CDKN2B-AS1: variants seen among roughly 807,000 people sequenced by gnomAD.
CDKN2B-AS1 encodes CDKN2B antisense RNA 1 (non-protein coding).
chr9:22,100,629 T>C (rs993084352), intron 4 of CDKN2B-AS1, among the ~76,000 whole-genome samples: 1 of 152,250 alleles, frequency 6.6e-6, no homozygotes, highest in African/African-American at 2.4e-5. Context: ...TAAACGTTTA[T>C]GTTTAAGTCT....
At chr9:22,014,562 A>G (rs1336022772) in intron 1 of CDKN2B-AS1, among the ~76,000 whole-genome samples, 1 of 152,124 alleles carries the variant, frequency 6.6e-6, no homozygotes, top group Non-Finnish European at 1.5e-5. Context: ...TTTGAAATGT[A>G]TTTATAAATT....
At chr9:22,004,044 A>G (rs932552665) in intron 1 of CDKN2B-AS1, 13 of 232,622 alleles carry the variant, frequency 5.6e-5, no homozygotes, top group Middle Eastern at 1.2e-3. Context: ...AAGTTACTTG[A>G]TATTTCTTTG....
chr9:22,094,175 A>G (rs201945090), intron 4 of CDKN2B-AS1, among the ~76,000 whole-genome samples: 4 of 143,956 alleles, frequency 2.8e-5, no homozygotes, highest in Admixed American at 6.7e-5. Context: ...TAGAGTTTCT[A>G]CCGAGAGATC....
intron 1 of CDKN2B-AS1, among the ~76,000 whole-genome samples, chr9:22,031,679 C>T (rs1390796502): frequency 6.6e-5 from 10 of 152,162 alleles, no homozygotes; most frequent in Non-Finnish European, 1.2e-4. Flanking sequence ...CACCAAGTTG[C>T]GGTAGGTTAG....
chr9:22,056,149 T>G (rs2131290262), intron 3 of CDKN2B-AS1: 1 of 149,144 alleles, frequency 6.7e-6, no homozygotes, highest in South Asian at 2.1e-4. Flanking sequence ...TGCCTCAGCC[T>G]CCTGAGTAGC....
chr9:22,043,421 C>G (rs1474350743), intron 1 of CDKN2B-AS1, among the ~76,000 whole-genome samples: 1 of 151,936 alleles, frequency 6.6e-6, no homozygotes, highest in Non-Finnish European at 1.5e-5. Flanking sequence ...TTCACACACA[C>G]ACAGACACAC....
At chr9:22,110,428 G>C (rs1368594148) in intron 4 of CDKN2B-AS1, among the ~76,000 whole-genome samples, 1 of 152,094 alleles carries the variant, frequency 6.6e-6, no homozygotes, top group East Asian at 1.9e-4. Flanking sequence ...AGAAGTCTTG[G>C]AATACAACAG....
At chr9:22,008,020 G>C in intron 1 of CDKN2B-AS1, among the ~76,000 whole-genome samples, 1 of 152,096 alleles carries the variant, frequency 6.6e-6, no homozygotes, top group East Asian at 1.9e-4. Flanking sequence ...GTACAAAAGA[G>C]TTGTCCGAGA....
intron 4 of CDKN2B-AS1, among the ~76,000 whole-genome samples, chr9:22,056,543 G>A (rs1823585101): frequency 6.6e-6 from 1 of 152,164 alleles, no homozygotes; most frequent in African/African-American, 2.4e-5. Flanking sequence ...GGACACAGGT[G>A]ACTGTTTTCT....
At chr9:22,022,520 C>G (rs1273185324) in intron 1 of CDKN2B-AS1, among the ~76,000 whole-genome samples, 1 of 151,960 alleles carries the variant, frequency 6.6e-6, no homozygotes, top group Non-Finnish European at 1.5e-5. Flanking sequence ...TTTCTCCATC[C>G]TTTTATTTTG....
At chr9:22,051,720 G>T (rs550113618) in intron 3 of CDKN2B-AS1, among the ~76,000 whole-genome samples, 3 of 152,162 alleles carry the variant, frequency 2.0e-5, no homozygotes, top group Non-Finnish European at 4.4e-5. Flanking sequence ...TAAAAAGTTG[G>T]AGATTTTTGT....
chr9:22,029,642 A>G lies in CDKN2B-AS1; in HGVS notation n.30-17109A>G, dbSNP rs568630687. ...TCATCTTTCAGGTCTGTGTGATAAA[A>G]GAAGAGCCTTGGGGAAATGTTCTCT... On this transcript the variant is annotated intron_variant and non_coding_transcript_variant, in intron 1 of 4. Coordinates refer to ENST00000650946, the Ensembl canonical transcript of CDKN2B-AS1. The G allele has an allele frequency of 5.4e-6, 3 of 556,056 alleles. No individual in the cohort carries two copies. The Admixed American group carries it at 8.2e-5, about 15-fold the overall frequency. The allele number at this position is 556,056 out of a possible 1,614,324, so 34.4% of individuals were successfully genotyped here. A position where few individuals can be genotyped will look rare whatever the true frequency, so the allele number is the denominator to read the frequency against.
chr9:22,095,536 G>A (rs1825243805), intron 4 of CDKN2B-AS1, among the ~76,000 whole-genome samples: 1 of 150,882 alleles, frequency 6.6e-6, no homozygotes, highest in South Asian at 2.1e-4. Context: ...AATAAGTGCA[G>A]TGTGGTTCTG....
chr9:22,056,212 G>GTGTGTATA (rs1285848864), intron 3 of CDKN2B-AS1: 1 of 124,148 alleles, frequency 8.1e-6, no homozygotes, highest in Non-Finnish European at 1.7e-5. Context: ...ATGTGTGTGT[G>GTGTGTATA]TATATATATA....
intron 1 of CDKN2B-AS1, among the ~76,000 whole-genome samples, chr9:22,011,766 T>C (rs1821519878): frequency 6.6e-6 from 1 of 152,182 alleles, no homozygotes; most frequent in Non-Finnish European, 1.5e-5. Flanking sequence ...TTATGAAACA[T>C]TTTACCTCTC....
intron 1 of CDKN2B-AS1, among the ~76,000 whole-genome samples, chr9:22,017,480 G>T (rs555403431): frequency 6.6e-6 from 1 of 152,018 alleles, no homozygotes; most frequent in Non-Finnish European, 1.5e-5. Flanking sequence ...GTACACACAG[G>T]GTTTACTGAA....
intron 4 of CDKN2B-AS1, among the ~76,000 whole-genome samples, chr9:22,115,773 T>G (rs1825934508): frequency 6.6e-6 from 1 of 152,154 alleles, no homozygotes; most frequent in Non-Finnish European, 1.5e-5. Flanking sequence ...AAACAGGGCA[T>G]ATTGTGCTGG....
chr9:22,074,323 A>T (rs913786877), intron 4 of CDKN2B-AS1, among the ~76,000 whole-genome samples: 4 of 152,178 alleles, frequency 2.6e-5, no homozygotes, highest in Non-Finnish European at 5.9e-5. Context: ...AGTCCCTAGT[A>T]GTCTAGTCCC....
At chr9:22,042,817 C>G (rs1279798240) in intron 1 of CDKN2B-AS1, among the ~76,000 whole-genome samples, 1 of 152,118 alleles carries the variant, frequency 6.6e-6, no homozygotes, top group Non-Finnish European at 1.5e-5. Flanking sequence ...TTCTTGAATT[C>G]TGACTCTTGT....
Sources: allele counts gnomAD v4.1 joint callset (sites outside exome capture counted in the v4.1 genomes callset), GRCh38; gene constraint gnomAD v4.1.1; transcripts MANE v1.5; gene names NCBI Gene and HGNC (gene_info 2026-07-23, HGNC 2026-07-21).